Variants in HLCS observed in about 807,000 individuals in gnomAD.
HLCS encodes holocarboxylase synthetase.
HLCS carries 53 observed loss-of-function variants against 75.0 expected under a neutral mutation model. The observed-to-expected ratio is 0.71, with a 90% CI of 0.57 to 0.89. HLCS has a LOEUF of 0.89. Among genes scored for constraint, HLCS ranks in the 40% least tolerant of loss-of-function variants. The pLI is 0.00. For missense variants in HLCS, 966 were observed against 1,074.0 expected (o/e 0.90, Z 1.41); for synonymous variants, 431 against 428.6 (o/e 1.01, Z -0.07).
chr21:36,883,800 A>C (rs571372316), intron 6 of HLCS, among the ~76,000 whole-genome samples: 3 of 152,308 alleles, frequency 2.0e-5, no homozygotes, highest in Admixed American at 1.3e-4. Context: ...CCTTCCCCAC[A>C]TGAATGGCTG....
chr21:36,794,914 G>A (rs926382981), intron 6 of HLCS, among the ~76,000 whole-genome samples: 1 of 152,064 alleles, frequency 6.6e-6, no homozygotes, highest in African/African-American at 2.4e-5. Flanking sequence ...GAGCAGGCTG[G>A]AGGGTGGAAT....
intron 6 of HLCS, among the ~76,000 whole-genome samples, chr21:36,876,810 T>G (rs914421860): frequency 6.6e-6 from 1 of 152,212 alleles, no homozygotes; most frequent in Non-Finnish European, 1.5e-5. Context: ...TTTTTCATGA[T>G]TTTTGGTTAG....
At chr21:36,835,816 T>G (rs1249952886) in intron 6 of HLCS, among the ~76,000 whole-genome samples, 1 of 152,112 alleles carries the variant, frequency 6.6e-6, no homozygotes, top group Non-Finnish European at 1.5e-5. Context: ...CCTAGACAAT[T>G]TTAGACATGA....
At chr21:36,834,747 G>A (rs2062347348) in intron 6 of HLCS, among the ~76,000 whole-genome samples, 1 of 152,148 alleles carries the variant, frequency 6.6e-6, no homozygotes, top group African/African-American at 2.4e-5. Context: ...GTAGAGATGG[G>A]GTTTCACCAT....
Position 36,937,038 on chromosome 21 carries a change from C to T in HLCS, c.848G>A (p.Ser283Asn), listed in dbSNP as rs2066923294. ...ENIPDLPYDY[S>N]SSLESVADET... is the part of the protein sequence containing the mutation. ...ATCAGCAACACTCTCCAAACTGCTG[C>T]TATAATCGTAGGGAAGGTCTGGAAT... is the stretch of plus-strand genomic sequence containing the variant. Residue 283 changes from serine (S) to asparagine (N), a missense_variant, in exon 4 of 11, where the codon AGC (serine) becomes AAC (asparagine). By Grantham distance (46) the Ser-to-Asn change is conservative. Transcript: ENST00000674895. 7 of 1,614,132 alleles carry T rather than the reference C, an allele frequency of 4.3e-6. No individual in the cohort carries two copies. Among genetic ancestry groups the T allele is most frequent in the Non-Finnish European group, 5.9e-6 (7 of 1,180,018 alleles).
At chr21:36,786,736 AAT>A (rs1359820936) in intron 6 of HLCS, among the ~76,000 whole-genome samples, 1 of 152,230 alleles carries the variant, frequency 6.6e-6, no homozygotes, top group Non-Finnish European at 1.5e-5. Context: ...TTTAATAATA[AAT>A]ATGTGTTTAT....
chr21:36,793,283 G>T (rs974038659), intron 6 of HLCS, among the ~76,000 whole-genome samples: 20 of 137,046 alleles, frequency 1.5e-4, no homozygotes, highest in African/African-American at 5.2e-4. Flanking sequence ...ACACGGGACA[G>T]CAGGAAGCAG....
Position 36,937,362 on chromosome 21 carries a change from T to A in HLCS, c.524A>T (p.Glu175Val). 6.2e-7 allele frequency: 1 copy of A among 1,613,828 alleles called. No homozygotes were observed. The highest frequency in any genetic ancestry group is 8.5e-7 in the Non-Finnish European group (1 of 1,180,010). ...SVHLQDSTLK[E>V]VKDQVSNKQA... ...CTTGTTTGAGACCTGATCCTTAACT[T>A]CCTTCAGAGTGGAGTCCTGCAAGTG... is the stretch of plus-strand genomic sequence containing the variant. The change falls in exon 4 of 11, where the codon GAA (glutamate) becomes GTA (valine). Residue 175 changes from glutamate (E) to valine (V), a missense_variant. Glu to Val is a moderately radical substitution (Grantham distance 121, BLOSUM62 -2). Transcript: ENST00000674895.
intron 6 of HLCS, chr21:36,805,938 T>A (rs1179819796): frequency 6.6e-6 from 1 of 152,218 alleles, no homozygotes; most frequent in Non-Finnish European, 1.5e-5. Context: ...TAACTCTTCA[T>A]GGGCCCAGGG....
At chr21:36,926,307 G>A (rs2066404425) in intron 5 of HLCS, among the ~76,000 whole-genome samples, 1 of 152,208 alleles carries the variant, frequency 6.6e-6, no homozygotes, top group Admixed American at 6.5e-5. Context: ...CCAACTCAGA[G>A]CTCACAGTTA....
In HLCS at chr21:36,881,185, G is replaced by T. The variant is rs148582850; in HGVS notation, c.1892+15675C>A. 9.4e-3 allele frequency among the ~76,000 whole-genome samples: 1,437 copies of T among 152,152 alleles called. 15 individuals are homozygous for T. The highest frequency in any genetic ancestry group is 0.029 in the African/African-American group (1,217 of 41,492). On this transcript the variant is annotated intron_variant, in intron 6 of 10. Coordinates refer to ENST00000674895, the MANE Select transcript of HLCS (RefSeq NM_001352514.2). ...GGGTTTCACCATGTTGGCCAGGATGGTCTCAAACTCCTGACCTCAAGTGAT... is the reference window on the plus strand; with the variant it reads ...GGGTTTCACCATGTTGGCCAGGATGTTCTCAAACTCCTGACCTCAAGTGAT...
At chr21:36,766,699 C>T (rs567827576) in intron 7 of HLCS, among the ~76,000 whole-genome samples, 9 of 151,918 alleles carry the variant, frequency 5.9e-5, no homozygotes, top group South Asian at 2.1e-4. Flanking sequence ...CTCTCGTCTC[C>T]GGGATCTGCA....
At position 36,767,224 on chromosome 21, in the gene HLCS, C is replaced by G. The variant is rs1555885056; in HGVS notation, c.1954G>C (p.Gly652Arg). The part of the protein sequence containing the change: ...LIVIAARQTE[G>R]KGRGGNVWLS... ...ATCACAAAAGATGACTGACCTTTGC[C>G]CTCGGTCTGCCGGGCCGCGATCACT... The change falls in exon 7 of 11, where the codon GGC becomes CGC. Residue 652 changes from glycine (G) to arginine (R), a missense_variant. Gly to Arg is a moderately radical substitution (Grantham distance 125). Coordinates refer to ENST00000674895, the MANE Select transcript of HLCS (RefSeq NM_001352514.2). 6.2e-7 allele frequency: 1 copy of G among 1,614,126 alleles called. No homozygotes were observed. Among genetic ancestry groups the G allele is most frequent in the East Asian group, 2.2e-5 (1 of 44,876 alleles).
chr21:36,890,023 G>A (rs1435272844), intron 6 of HLCS, among the ~76,000 whole-genome samples: 1 of 152,110 alleles, frequency 6.6e-6, no homozygotes, highest in Non-Finnish European at 1.5e-5. Context: ...CCTTGTGATG[G>A]TGAGTTCTCA....
intron 2 of HLCS, among the ~76,000 whole-genome samples, chr21:36,959,409 G>C (rs1294696407): frequency 6.6e-6 from 1 of 152,208 alleles, no homozygotes; most frequent in Non-Finnish European, 1.5e-5. Flanking sequence ...AGGCCTGTAG[G>C]CACCCCTCAG....
intron 5 of HLCS, among the ~76,000 whole-genome samples, chr21:36,915,976 A>G (rs2065911226): frequency 6.6e-6 from 1 of 152,150 alleles, no homozygotes; most frequent in African/African-American, 2.4e-5. Flanking sequence ...CAAGTGTCCA[A>G]ATAAAATGTG....
At chr21:36,854,377 G>C (rs1166601043) in intron 6 of HLCS, among the ~76,000 whole-genome samples, 5 of 152,162 alleles carry the variant, frequency 3.3e-5, no homozygotes, top group Non-Finnish European at 7.3e-5. Context: ...GGCACATCTG[G>C]GGCACGGGGA....
intron 6 of HLCS, among the ~76,000 whole-genome samples, chr21:36,787,399 TG>T (rs2145862280): frequency 6.6e-6 from 1 of 152,318 alleles, no homozygotes; most frequent in Non-Finnish European, 1.5e-5. Flanking sequence ...TGGAGGCACT[TG>T]GCTGGTTAAG....
At chr21:36,794,345 T>A (rs2060961966) in intron 6 of HLCS, among the ~76,000 whole-genome samples, 1 of 152,102 alleles carries the variant, frequency 6.6e-6, no homozygotes. Flanking sequence ...AAGGATGGGG[T>A]GTTCAAGTGG....
Sources: allele counts gnomAD v4.1 joint callset (sites outside exome capture counted in the v4.1 genomes callset), GRCh38; gene constraint gnomAD v4.1.1; transcripts MANE v1.5; gene names NCBI Gene and HGNC (gene_info 2026-07-23, HGNC 2026-07-21).